KAZN: variants seen among roughly 807,000 people sequenced by gnomAD.
KAZN encodes kazrin.
KAZN carries 40 observed loss-of-function variants against 87.4 expected under a neutral mutation model. The ratio of observed to expected loss-of-function variants is 0.46; its 90% CI spans 0.36 to 0.60. The LOEUF (loss-of-function observed/expected upper bound fraction) is 0.60. Among genes scored for constraint, KAZN ranks in the 20% least tolerant of loss-of-function variants. The pLI, the probability that KAZN is intolerant of heterozygous loss-of-function variation, is 0.00. For missense variants in KAZN, 898 were observed against 1,073.9 expected (o/e 0.84, Z 2.29); for synonymous variants, 466 against 458.3 (o/e 1.02, Z -0.22).
intron 1 of KAZN, among the ~76,000 whole-genome samples, chr1:14,727,843 A>T (rs1337768039): frequency 9.0e-6 from 1 of 110,920 alleles, no homozygotes; most frequent in African/African-American, 3.5e-5. Flanking sequence ...AATTCGTGGG[A>T]GCCCTGAGCT....
At chr1:14,374,627 A>AG (rs1205611464) in intron 2 of KAZN, among the ~76,000 whole-genome samples, 1 of 152,190 alleles carries the variant, frequency 6.6e-6, no homozygotes, top group African/African-American at 2.4e-5. Flanking sequence ...TCAGTGGTAA[A>AG]GAAAGATGAA....
chr1:14,500,886 A>C (rs1670202150), intron 2 of KAZN, among the ~76,000 whole-genome samples: 1 of 152,098 alleles, frequency 6.6e-6, no homozygotes, highest in South Asian at 2.1e-4. Context: ...AACTACAGAA[A>C]CTGACTCAAG....
chr1:14,806,921 A>G (rs1646241725), intron 1 of KAZN, among the ~76,000 whole-genome samples: 1 of 152,218 alleles, frequency 6.6e-6, no homozygotes, highest in Non-Finnish European at 1.5e-5. Context: ...ATGCCCACCT[A>G]TCTTGCAGAG....
intron 1 of KAZN, among the ~76,000 whole-genome samples, chr1:14,607,757 A>G (rs1677484305): frequency 6.6e-6 from 1 of 152,150 alleles, no homozygotes; most frequent in African/African-American, 2.4e-5. Context: ...TGGGAAAGGG[A>G]ACAGTGGACC....
intron 2 of KAZN, among the ~76,000 whole-genome samples, chr1:14,200,972 C>T (rs1646627333): frequency 6.6e-6 from 1 of 152,170 alleles, no homozygotes; most frequent in Non-Finnish European, 1.5e-5. Context: ...AAACTTTCCT[C>T]AAGCGTTCCC....
At chr1:14,789,712 G>C (rs1630519) in intron 1 of KAZN, among the ~76,000 whole-genome samples, 1 of 143,310 alleles carries the variant, frequency 7.0e-6, no homozygotes. Context: ...CCTCTTATCT[G>C]AGTCCCCATT....
chr1:13,936,167 G>T (rs928300735), intron 1 of KAZN, among the ~76,000 whole-genome samples: 41 of 144,738 alleles, frequency 2.8e-4, no homozygotes, highest in African/African-American at 9.4e-4. Context: ...TGCGATCTCG[G>T]CACACCACAA....
intron 8 of KAZN, among the ~76,000 whole-genome samples, chr1:15,092,221 C>T (rs1321670912): frequency 6.6e-6 from 1 of 151,692 alleles, no homozygotes; most frequent in Non-Finnish European, 1.5e-5. Context: ...GGATTACAGG[C>T]ATATGCCACC....
intron 2 of KAZN, among the ~76,000 whole-genome samples, chr1:14,243,645 C>T (rs1401360756): frequency 6.6e-6 from 1 of 152,110 alleles, no homozygotes; most frequent in Admixed American, 6.5e-5. Flanking sequence ...GTTAAGTGTT[C>T]TTACCACAAT....
At chr1:13,967,047 G>A (rs1276948585) in intron 1 of KAZN, among the ~76,000 whole-genome samples, 1 of 152,208 alleles carries the variant, frequency 6.6e-6, no homozygotes, top group Non-Finnish European at 1.5e-5. Flanking sequence ...TTAAAGGCAG[G>A]AGTCAGGGCT....
chr1:14,600,919 C>T (rs968620004), intron 1 of KAZN, among the ~76,000 whole-genome samples: 11 of 152,154 alleles, frequency 7.2e-5, no homozygotes, highest in African/African-American at 2.7e-4. Flanking sequence ...AGGCAGTCAA[C>T]GCAGTAATGA....
At chr1:15,063,761 G>T (rs1389435536) in intron 7 of KAZN, 139 bp downstream of exon 7, 1 of 690,744 alleles carries the variant, frequency 1.4e-6, no homozygotes, top group East Asian at 2.8e-5. Flanking sequence ...CTGAGCCCAC[G>T]TCCATACTGC....
intron 2 of KAZN, among the ~76,000 whole-genome samples, chr1:14,426,732 C>G (rs116905774): frequency 6.6e-6 from 1 of 152,118 alleles, no homozygotes; most frequent in Non-Finnish European, 1.5e-5. Flanking sequence ...CCAGCCCCTC[C>G]CGCTCCATCC....
intron 2 of KAZN, among the ~76,000 whole-genome samples, chr1:14,386,606 G>C (rs1661916550): frequency 6.6e-6 from 1 of 151,992 alleles, no homozygotes; most frequent in South Asian, 2.1e-4. Context: ...ATTCGGGGTG[G>C]AAAATTCTTT....
intron 1 of KAZN, among the ~76,000 whole-genome samples, chr1:14,619,097 T>C (rs979864321): frequency 5.9e-5 from 9 of 151,692 alleles, no homozygotes; most frequent in African/African-American, 1.7e-4. Context: ...GTAAATGAGA[T>C]TGAGAATGCA....
chr1:13,955,670 C>T (rs1475783207), intron 1 of KAZN, among the ~76,000 whole-genome samples: 1 of 152,148 alleles, frequency 6.6e-6, no homozygotes, highest in African/African-American at 2.4e-5. Context: ...AGCCTTAAAG[C>T]CAGCTTGCTT....
At chr1:14,517,300 C>T (rs1447860785) in intron 2 of KAZN, among the ~76,000 whole-genome samples, 2 of 152,036 alleles carry the variant, frequency 1.3e-5, no homozygotes, top group African/African-American at 2.4e-5. Flanking sequence ...ATCATCTTAC[C>T]ACCAAGAGGG....
chr1:14,869,067 CA>C (rs1413597342), intron 1 of KAZN, among the ~76,000 whole-genome samples: 6 of 152,136 alleles, frequency 3.9e-5, no homozygotes, highest in Non-Finnish European at 8.8e-5. Flanking sequence ...TTCCTGCTAG[CA>C]CCTTGGGATG....
rs1195167050 is a variant in KAZN, at chr1:14,996,956, G to A, written c.418+36081G>A. Among the ~76,000 whole-genome samples the A allele has an allele frequency of 6.6e-6, 1 of 152,184 alleles. No individual in the cohort carries two copies. The highest frequency in any genetic ancestry group is 1.9e-4 in the East Asian group (1 of 5,192). The stretch of plus-strand genomic sequence containing the variant: ...TGTTCCTCAAATGCTCTGAGGCTGT[G>A]TGTTCCCCCAGGCACCCTGTGCTTT... On this transcript the variant is annotated intron_variant, in intron 2 of 14. Coordinates refer to ENST00000376030, the MANE Select transcript of KAZN (RefSeq NM_201628.3). The surrounding 1 kb of genome is among the most constrained non-coding windows in gnomAD (Gnocchi z 5.9).
Sources: allele counts gnomAD v4.1 joint callset (sites outside exome capture counted in the v4.1 genomes callset), GRCh38; gene constraint gnomAD v4.1.1; non-coding constraint Gnocchi (gnomAD v3.1); transcripts MANE v1.5; gene names NCBI Gene and HGNC (gene_info 2026-07-23, HGNC 2026-07-21).